The following NIPBL variants were observed in gnomAD, a reference collection of about 807,000 sequenced individuals.
The protein encoded by NIPBL is NIPBL cohesin loading factor.
In NIPBL, 19 loss-of-function variants were observed where a neutral mutation model predicts 321.8. The observed-to-expected ratio is 0.06, with a 90% confidence interval of 0.04 to 0.09. The LOEUF is 0.09. Ranked by LOEUF, NIPBL falls within the 10% of genes least tolerant of loss-of-function variation. NIPBL has a pLI of 1.00. For synonymous variants in NIPBL, 1,106 were observed against 1,114.1 expected, an observed-to-expected ratio of 0.99 and a Z score of 0.14; for missense variants, 2,210 against 3,327.0, an observed-to-expected ratio of 0.66 and a Z score of 8.26.
intron 6 of NIPBL, among the ~76,000 whole-genome samples, chr5:36,965,282 C>T (rs1462548655): frequency 6.6e-6 from 1 of 152,014 alleles, no homozygotes; most frequent in African/African-American, 2.4e-5. Flanking sequence ...ACCTAAGTCC[C>T]CCATCAGTGG....
chr5:36,972,135 C>T (rs1353609819), intron 8 of NIPBL, 94 bp downstream of exon 8: 1 of 838,258 alleles, frequency 1.2e-6, no homozygotes, highest in Non-Finnish European at 1.9e-6. Flanking sequence ...AAAAGTTATT[C>T]TGTATTTTTT....
rs776669672 is a variant in NIPBL, at chr5:36,986,198, A to G, written c.3018A>G (p.Gln1006=). The part of the protein sequence containing the change: ...NKGAKPVVVL[Q]KLSLDDVQKL... ...GAGCTAAGCCTGTAGTTGTGCTACA[A>G]AAACTGTCTTTGGATGATGTTCAGA... is the stretch of plus-strand genomic sequence containing the variant. Residue 1006 remains glutamine (Q), a synonymous_variant, in exon 10 of 47, where the codon CAA becomes CAG. Transcript: ENST00000282516. 69 of 1,608,102 alleles carry G rather than the reference A, an allele frequency of 4.3e-5. No individual in the cohort carries two copies. In the Middle Eastern group the frequency reaches 5.0e-4, roughly 12 times the overall value.
intron 1 of NIPBL, among the ~76,000 whole-genome samples, chr5:36,921,882 G>T (rs947913302): frequency 6.7e-6 from 1 of 148,380 alleles, no homozygotes; most frequent in Non-Finnish European, 1.5e-5. Context: ...TTTGGTTTTG[G>T]GTTTTTTTTG....
intron 8 of NIPBL, among the ~76,000 whole-genome samples, chr5:36,973,249 C>T (rs917555842): frequency 1.3e-5 from 2 of 151,020 alleles, no homozygotes; most frequent in Non-Finnish European, 1.5e-5. Context: ...AGATATTTTA[C>T]CTCGTATCTG....
intron 11 of NIPBL, among the ~76,000 whole-genome samples, chr5:36,999,826 T>C (rs1746578558): frequency 6.6e-6 from 1 of 152,210 alleles, no homozygotes; most frequent in South Asian, 2.1e-4. Flanking sequence ...AGTAGGCTTG[T>C]CATGTTAGGT....
At chr5:36,914,613 T>C (rs1223034091) in intron 1 of NIPBL, among the ~76,000 whole-genome samples, 1 of 152,206 alleles carries the variant, frequency 6.6e-6, no homozygotes, top group African/African-American at 2.4e-5. Context: ...TTGGGTCCCA[T>C]CTACAAGATA....
intron 27 of NIPBL, 119 bp from the exon 28 acceptor site, chr5:37,021,932 A>T: frequency 1.3e-6 from 1 of 783,752 alleles, no homozygotes; most frequent in Non-Finnish European, 2.2e-6. Flanking sequence ...TTACTCATTT[A>T]TATACAGATT....
At chr5:36,934,342 G>A (rs1041413388) in intron 1 of NIPBL, among the ~76,000 whole-genome samples, 1 of 152,074 alleles carries the variant, frequency 6.6e-6, no homozygotes, top group African/African-American at 2.4e-5. Flanking sequence ...ATGCATGACT[G>A]GATGCTGACT....
intron 32 of NIPBL, among the ~76,000 whole-genome samples, chr5:37,032,115 T>C (rs1013361657): frequency 1.3e-5 from 2 of 152,228 alleles, no homozygotes; most frequent in Admixed American, 6.5e-5. Context: ...CCCATCATTC[T>C]GTATTTTAAC....
chr5:37,024,335 T>C (rs1172189830), intron 29 of NIPBL, among the ~76,000 whole-genome samples: 4 of 152,156 alleles, frequency 2.6e-5, no homozygotes, highest in Admixed American at 2.6e-4. Context: ...AAGCGTATAC[T>C]TCTAGTCTTG....
rs1184143896 is a variant in NIPBL, at chr5:37,062,751, C to A, written c.7861-1039C>A. The stretch of plus-strand genomic sequence containing the variant: ...CCTGAGCAACAGGGTGAGACCCTGT[C>A]TCTACAAAAAATACAAACATTAGCC... On this transcript the variant is annotated intron_variant, in intron 45 of 46. Transcript: ENST00000282516. Among the ~76,000 whole-genome samples the A allele has an allele frequency of 6.6e-5, 10 of 152,116 alleles. No homozygotes were observed. In the East Asian group the frequency reaches 1.9e-3, roughly 29 times the overall value.
intron 36 of NIPBL, 33 bp from the exon 37 acceptor site, chr5:37,045,410 A>G (rs775884100): frequency 2.0e-6 from 3 of 1,468,824 alleles, no homozygotes; most frequent in Non-Finnish European, 2.8e-6. Flanking sequence ...TCAAAGATAA[A>G]TATTATAAGT....
intron 34 of NIPBL, among the ~76,000 whole-genome samples, chr5:37,041,622 C>G (rs1752387049): frequency 6.7e-6 from 1 of 150,154 alleles, no homozygotes; most frequent in African/African-American, 2.5e-5. Flanking sequence ...GAGTACAGTC[C>G]TGCACTTCTG....
intron 1 of NIPBL, among the ~76,000 whole-genome samples, chr5:36,928,463 T>A (rs944321051): frequency 3.3e-5 from 5 of 152,172 alleles, no homozygotes; most frequent in Non-Finnish European, 7.4e-5. Context: ...ACTAAAAAAA[T>A]TTCTTAAGGA....
At chr5:37,043,575 G>A (rs1012902150) in intron 34 of NIPBL, among the ~76,000 whole-genome samples, 4 of 151,878 alleles carry the variant, frequency 2.6e-5, no homozygotes, top group Non-Finnish European at 4.4e-5. Context: ...GGTATTATGC[G>A]CCTGTAGTCC....
intron 1 of NIPBL, among the ~76,000 whole-genome samples, chr5:36,894,469 A>G (rs1746579897): frequency 6.6e-6 from 1 of 152,178 alleles, no homozygotes; most frequent in Admixed American, 6.5e-5. Flanking sequence ...ATATAAAAAT[A>G]CATATATACA....
At chr5:36,956,418 C>G (rs1740951639) in intron 3 of NIPBL, among the ~76,000 whole-genome samples, 1 of 151,672 alleles carries the variant, frequency 6.6e-6, no homozygotes, top group South Asian at 2.1e-4. Flanking sequence ...AGGATAAACA[C>G]ATTATAATGG....
intron 1 of NIPBL, among the ~76,000 whole-genome samples, chr5:36,919,011 C>T (rs750962061): frequency 1.3e-5 from 2 of 152,020 alleles, no homozygotes; most frequent in Admixed American, 6.6e-5. Context: ...CTCTGCCAGG[C>T]TTTGGTATCA....
At chr5:36,968,696 A>T (rs1347526654) in intron 6 of NIPBL, among the ~76,000 whole-genome samples, 1 of 152,200 alleles carries the variant, frequency 6.6e-6, no homozygotes, top group Non-Finnish European at 1.5e-5. Flanking sequence ...CCCCATCTGT[A>T]TGGAAAAAAA....
Sources: allele counts gnomAD v4.1 joint callset (sites outside exome capture counted in the v4.1 genomes callset), GRCh38; gene constraint gnomAD v4.1.1; transcripts MANE v1.5; gene names NCBI Gene and HGNC (gene_info 2026-07-23, HGNC 2026-07-21).